Variants in NREP observed in about 807,000 individuals in gnomAD.
NREP encodes the protein neuronal regeneration related protein.
A neutral mutation model predicts 8.6 loss-of-function variants in NREP; 5 were observed. The observed-to-expected ratio is 0.58, with a 90% CI of 0.30 to 1.22. NREP has a LOEUF of 1.22. NREP is among the 50% of genes most tolerant of loss of function. The probability of loss-of-function intolerance (pLI) is 0.07; values close to 1 mark genes in which losing one functional copy is unlikely to be tolerated. For missense variants in NREP, 86 were observed against 82.5 expected (o/e 1.04, Z -0.17); for synonymous variants, 27 against 28.0 (o/e 0.96, Z 0.11).
chr5:111,796,019 T>C (rs925708685), intron 2 of NREP, among the ~76,000 whole-genome samples: 7 of 152,184 alleles, frequency 4.6e-5, no homozygotes, highest in Non-Finnish European at 1.0e-4. Context: ...ACCATACAAA[T>C]TTGTATCTTA....
At chr5:111,740,993 C>T (rs1412333864) in intron 2 of NREP, among the ~76,000 whole-genome samples, 1 of 152,172 alleles carries the variant, frequency 6.6e-6, no homozygotes, top group African/African-American at 2.4e-5. Context: ...ATAAATACTG[C>T]TTACTTCATT....
At chr5:111,917,076 G>T (rs1755081073) in intron 2 of NREP, among the ~76,000 whole-genome samples, 1 of 152,112 alleles carries the variant, frequency 6.6e-6, no homozygotes, top group Admixed American at 6.6e-5. Flanking sequence ...GGGGTCTTGT[G>T]TCCCTTTTCC....
At chr5:111,854,323 C>T (rs11241140) in intron 2 of NREP, among the ~76,000 whole-genome samples, 37,754 of 151,990 alleles carry the variant, frequency 0.25, 7,264 homozygotes, top group African/African-American at 0.53. Flanking sequence ...CCACCCAGCC[C>T]GGGGCCAACC....
intron 2 of NREP, among the ~76,000 whole-genome samples, chr5:111,871,110 G>A (rs4957986): frequency 0.44 from 64,701 of 147,508 alleles, 17,043 homozygotes; most frequent in Non-Finnish European, 0.6. Context: ...TGCTTAACAG[G>A]AATATGTTGT....
chr5:111,748,387 C>T (rs775320874), intron 2 of NREP, among the ~76,000 whole-genome samples: 43 of 152,072 alleles, frequency 2.8e-4, no homozygotes, highest in Non-Finnish European at 2.1e-4. Context: ...GTGCAGTGTC[C>T]GGCCATGACT....
At chr5:111,825,507 T>A (rs749425476) in intron 2 of NREP, among the ~76,000 whole-genome samples, 8 of 152,208 alleles carry the variant, frequency 5.3e-5, no homozygotes, top group Non-Finnish European at 4.4e-5. Context: ...GATTGGCACA[T>A]GAAAGGCACA....
intron 2 of NREP, among the ~76,000 whole-genome samples, chr5:111,834,788 G>A (rs1752854956): frequency 6.6e-6 from 1 of 152,118 alleles, no homozygotes; most frequent in African/African-American, 2.4e-5. Context: ...ATTCATTTTG[G>A]TAGATAATTT....
chr5:111,834,030 C>T (rs1752836503), intron 2 of NREP, among the ~76,000 whole-genome samples: 2 of 152,170 alleles, frequency 1.3e-5, no homozygotes, highest in African/African-American at 4.8e-5. Flanking sequence ...AGCTCAGGCT[C>T]CTCTCCTGTA....
At chr5:111,843,768 C>G (rs1174798388) in intron 2 of NREP, among the ~76,000 whole-genome samples, 1 of 152,122 alleles carries the variant, frequency 6.6e-6, no homozygotes, top group Non-Finnish European at 1.5e-5. Context: ...GTGGGGTCTA[C>G]AGGCAACCAT....
intron 2 of NREP, among the ~76,000 whole-genome samples, chr5:111,905,681 T>TA (rs556502971): frequency 2.6e-5 from 4 of 152,186 alleles, no homozygotes; most frequent in East Asian, 3.9e-4. Context: ...GTGCTGTTGG[T>TA]AAAAAAACCA....
intron 2 of NREP, among the ~76,000 whole-genome samples, chr5:111,913,451 C>G (rs1403334228): frequency 6.6e-6 from 1 of 151,976 alleles, no homozygotes; most frequent in Non-Finnish European, 1.5e-5. Context: ...TAAATGGAAC[C>G]CAGCATCACT....
chr5:111,884,534 T>G (rs1754184236), intron 2 of NREP, among the ~76,000 whole-genome samples: 1 of 152,094 alleles, frequency 6.6e-6, no homozygotes, highest in African/African-American at 2.4e-5. Flanking sequence ...AAGAGAATTT[T>G]AGATCAATAT....
intron 2 of NREP, among the ~76,000 whole-genome samples, chr5:111,820,564 G>C (rs538471754): frequency 1.3e-5 from 2 of 152,052 alleles, no homozygotes; most frequent in South Asian, 2.1e-4. Flanking sequence ...TGCAGGGCTA[G>C]AGCTGATTTT....
At chr5:111,920,001 T>C in intron 2 of NREP, among the ~76,000 whole-genome samples, 1 of 132,048 alleles carries the variant, frequency 7.6e-6, no homozygotes, top group Non-Finnish European at 1.6e-5. Context: ...CACAAAGAAG[T>C]CATATGCATG....
intron 1 of NREP, among the ~76,000 whole-genome samples, chr5:111,976,485 C>G (rs542594287): frequency 1.5e-4 from 23 of 152,318 alleles, no homozygotes; most frequent in African/African-American, 5.3e-4. Flanking sequence ...TATCCCAGTA[C>G]CTTCAGCAGT....
intron 2 of NREP, chr5:111,738,322 C>T (rs1224655591): frequency 3.9e-5 from 6 of 152,122 alleles, no homozygotes; most frequent in East Asian, 3.9e-4. Flanking sequence ...TTTGGTATTC[C>T]GCAAGGGCCT....
intron 2 of NREP, among the ~76,000 whole-genome samples, chr5:111,875,196 G>A (rs1468688956): frequency 6.6e-6 from 1 of 151,894 alleles, no homozygotes; most frequent in African/African-American, 2.4e-5. Context: ...TTACTATGAA[G>A]CTTCTTAGAA....
intron 2 of NREP, among the ~76,000 whole-genome samples, chr5:111,835,657 T>C (rs1752875465): frequency 6.6e-6 from 1 of 152,042 alleles, no homozygotes; most frequent in South Asian, 2.1e-4. Flanking sequence ...GGAACATAGG[T>C]TACTTGTAAC....
At chr5:111,849,006 C>T (rs947885914) in intron 2 of NREP, among the ~76,000 whole-genome samples, 2 of 152,034 alleles carry the variant, frequency 1.3e-5, no homozygotes, top group Non-Finnish European at 2.9e-5. Flanking sequence ...CTGGGTTAAC[C>T]TCTGGTGTAC....
Sources: allele counts gnomAD v4.1 joint callset (sites outside exome capture counted in the v4.1 genomes callset), GRCh38; gene constraint gnomAD v4.1.1; transcripts MANE v1.5; gene names NCBI Gene and HGNC (gene_info 2026-07-23, HGNC 2026-07-21).